ERC1: variants seen among roughly 807,000 people sequenced by gnomAD.
ERC1 encodes RAB6 interacting protein 2.
In ERC1, 56 loss-of-function variants were observed where a neutral mutation model predicts 132.0. The observed-to-expected ratio is 0.42, with a 90% confidence interval of 0.34 to 0.53. The LOEUF is 0.53. Among genes scored for constraint, ERC1 ranks in the 20% least tolerant of loss-of-function variants. The probability of loss-of-function intolerance (pLI) is 0.03; values close to 1 mark genes in which losing one functional copy is unlikely to be tolerated. For synonymous variants in ERC1, 478 were observed against 476.1 expected (o/e 1.00, Z -0.05); for missense variants, 1,202 against 1,349.9 (o/e 0.89, Z 1.72).
At chr12:1,067,015 G>T (rs528304231) in intron 2 of ERC1, among the ~76,000 whole-genome samples, 1 of 152,070 alleles carries the variant, frequency 6.6e-6, no homozygotes, top group African/African-American at 2.4e-5. Context: ...GCCATGTTGC[G>T]CAGACTGGTC....
rs1217181103 is a variant in ERC1, at chr12:1,491,465, A to G, written c.*1235A>G. On this transcript the variant is annotated 3_prime_UTR_variant, in exon 19 of 19. Coordinates refer to ENST00000360905, the MANE Select transcript of ERC1 (RefSeq NM_178040.4). ...TCCATCCTTGAAAAGGCCACTTCTC[A>G]GTGAGGGAGAGATGTAGTGGATTCT... The G allele has an allele frequency of 4.3e-6, 1 of 230,330 alleles. No homozygotes were observed. Among genetic ancestry groups the G allele is most frequent in the East Asian group, 6.2e-5 (1 of 16,212 alleles). 14.3% of individuals were successfully genotyped at this position (230,330 alleles called of 1,614,324 possible). A position where few individuals can be genotyped will look rare whatever the true frequency, so the allele number is the denominator to read the frequency against.
At chr12:1,250,133 A>T (rs79006277) in intron 13 of ERC1, among the ~76,000 whole-genome samples, 30,010 of 152,126 alleles carry the variant, frequency 0.2, 3,461 homozygotes, top group Non-Finnish European at 0.27. Context: ...TTGAGGTCAG[A>T]TGCTTGGCTT....
intron 18 of ERC1, among the ~76,000 whole-genome samples, chr12:1,476,005 T>C (rs1035724097): frequency 1.3e-5 from 2 of 150,732 alleles, no homozygotes; most frequent in African/African-American, 4.9e-5. Context: ...GACTCATGCC[T>C]GTAATCCCAG....
rs1234239661 is a variant in ERC1, at chr12:1,433,695, C to T, written c.3025-10867C>T. ...AACAAGATGGCGGAGACTTTACTCC[C>T]TTTGAATGGTCCAGCAAAGGCTATT... On this transcript the variant is annotated intron_variant, in intron 17 of 18. Coordinates refer to ENST00000360905, the MANE Select transcript of ERC1 (RefSeq NM_178040.4). Among the ~76,000 whole-genome samples the T allele has an allele frequency of 3.9e-5, 6 of 152,174 alleles. No individual in the cohort carries two copies. In the East Asian group the frequency reaches 1.2e-3, roughly 29 times the overall value.
At chr12:1,359,220 T>C (rs2085838871) in intron 15 of ERC1, among the ~76,000 whole-genome samples, 1 of 152,126 alleles carries the variant, frequency 6.6e-6, no homozygotes, top group Non-Finnish European at 1.5e-5. Context: ...GGATAATCAA[T>C]CATTTTAGGT....
Position 1,073,129 on chromosome 12 carries a change from G to A in ERC1, c.670-10035G>A, listed in dbSNP as rs546832248. Among the ~76,000 whole-genome samples the A allele has an allele frequency of 5.9e-5, 9 of 152,100 alleles. No individual in the cohort carries two copies. The East Asian group carries it at 9.8e-4, about 17-fold the overall frequency. ...ATCCTGGCCAATATGGTGAAACCTC[G>A]TCTCTACTAAAAATACAAAAATTAG... is the stretch of plus-strand genomic sequence containing the variant. On this transcript the variant is annotated intron_variant, in intron 2 of 18. Transcript: ENST00000360905.
At chr12:1,304,384 T>C (rs915397232) in intron 15 of ERC1, among the ~76,000 whole-genome samples, 4 of 152,178 alleles carry the variant, frequency 2.6e-5, no homozygotes, top group African/African-American at 9.7e-5. Context: ...CAGTAGACTT[T>C]TACTCACATC....
intron 16 of ERC1, among the ~76,000 whole-genome samples, chr12:1,376,387 C>T (rs998956209): frequency 1.5e-5 from 2 of 137,788 alleles, no homozygotes; most frequent in Non-Finnish European, 3.1e-5. Context: ...CACTCGCCTT[C>T]GAGTTCTGTG....
chr12:1,156,194 A>G (rs998074267), intron 8 of ERC1, among the ~76,000 whole-genome samples: 5 of 152,096 alleles, frequency 3.3e-5, no homozygotes, highest in African/African-American at 9.7e-5. Context: ...AATTTAACCT[A>G]AGATTTACAG....
chr12:1,447,797 G>A (rs994380263), intron 18 of ERC1, among the ~76,000 whole-genome samples: 6 of 151,708 alleles, frequency 4.0e-5, no homozygotes, highest in Admixed American at 1.3e-4. Flanking sequence ...CTACAGGCGC[G>A]CGCCACCGTG....
chr12:1,243,491 T>A (rs1355470853), intron 13 of ERC1, among the ~76,000 whole-genome samples: 1 of 151,806 alleles, frequency 6.6e-6, no homozygotes, highest in Non-Finnish European at 1.5e-5. Context: ...GAGGTCCTAC[T>A]GTAGGGATGT....
intron 14 of ERC1, among the ~76,000 whole-genome samples, chr12:1,285,049 T>G (rs1288632629): frequency 6.6e-6 from 1 of 152,246 alleles, no homozygotes; most frequent in East Asian, 1.9e-4. Flanking sequence ...CTTTTGCTCA[T>G]ATTTTAATCG....
chr12:1,119,866 C>A (rs1355557207), intron 7 of ERC1, among the ~76,000 whole-genome samples: 1 of 152,072 alleles, frequency 6.6e-6, no homozygotes, highest in Non-Finnish European at 1.5e-5. Flanking sequence ...TACTTTACTT[C>A]TTTAAGCCTC....
chr12:1,017,680 G>A lies in ERC1; in HGVS notation c.-156-10068G>A, dbSNP rs143610674. On this transcript the variant is annotated intron_variant, in intron 1 of 18. Coordinates refer to ENST00000360905, the MANE Select transcript of ERC1 (RefSeq NM_178040.4). ...CACCCCGCTAATTTTTGTATTTTTC[G>A]TAGAGATGGAGTTTCACCATATTGG... 5.6e-3 allele frequency among the ~76,000 whole-genome samples: 843 copies of A among 151,810 alleles called. 8 individuals carry two copies. Among genetic ancestry groups the A allele is most frequent in the African/African-American group, 0.018 (765 of 41,416 alleles).
At chr12:1,338,091 G>T (rs1429383800) in intron 15 of ERC1, among the ~76,000 whole-genome samples, 1 of 152,134 alleles carries the variant, frequency 6.6e-6, no homozygotes, top group Non-Finnish European at 1.5e-5. Context: ...CTCTAGCTAG[G>T]GTTGGGAAGC....
chr12:1,398,210 C>T (rs965665216), intron 16 of ERC1, among the ~76,000 whole-genome samples: 1 of 152,236 alleles, frequency 6.6e-6, no homozygotes, highest in Non-Finnish European at 1.5e-5. Context: ...TCTCAAACTC[C>T]TGGGCTCAAG....
chr12:999,223 C>T (rs901920292), intron 1 of ERC1, among the ~76,000 whole-genome samples: 20 of 152,222 alleles, frequency 1.3e-4, no homozygotes, highest in African/African-American at 4.8e-4. Flanking sequence ...TTTGGGCTTT[C>T]TCATCGCTTT....
intron 17 of ERC1, among the ~76,000 whole-genome samples, chr12:1,434,893 T>C (rs1015755839): frequency 2.0e-5 from 3 of 152,222 alleles, no homozygotes; most frequent in Non-Finnish European, 2.9e-5. Flanking sequence ...CTATGAATAT[T>C]GAAGTGGTGA....
intron 12 of ERC1, among the ~76,000 whole-genome samples, chr12:1,195,875 GCCC>G (rs5795962): frequency 1.6e-4 from 16 of 97,750 alleles, no homozygotes; most frequent in African/African-American, 5.7e-4. Context: ...ACTTATTTCC[GCCC>G]CCCCCCCCCT....
Sources: allele counts gnomAD v4.1 joint callset (sites outside exome capture counted in the v4.1 genomes callset), GRCh38; gene constraint gnomAD v4.1.1; transcripts MANE v1.5; gene names NCBI Gene and HGNC (gene_info 2026-07-23, HGNC 2026-07-21).